Variants in GET3 observed in about 807,000 individuals in gnomAD.
GET3 encodes the protein guided entry of tail-anchored proteins factor 3, ATPase.
GET3 carries 15 observed loss-of-function variants against 32.4 expected under a neutral mutation model. The observed-to-expected ratio is 0.46, with a 90% CI of 0.31 to 0.71. The LOEUF is 0.71. Among genes scored for constraint, GET3 ranks in the 30% least tolerant of loss-of-function variants. The pLI is 0.05. For synonymous variants in GET3, 198 were observed against 185.6 expected (o/e 1.07, Z -0.54); for missense variants, 333 against 459.0 (o/e 0.73, Z 2.51).
intron 2 of GET3, among the ~76,000 whole-genome samples, chr19:12,741,428 C>T (rs1029431365): frequency 4.1e-5 from 6 of 146,150 alleles, no homozygotes; most frequent in East Asian, 2.0e-4. Flanking sequence ...TGCACTCCAG[C>T]GTGGGTGACA....
chr19:12,747,657 T>G lies in GET3; in HGVS notation c.915+65T>G. 3.9e-6 allele frequency: 6 copies of G among 1,547,888 alleles called. No individual in the cohort carries two copies. In the South Asian group the frequency reaches 7.0e-5, roughly 18 times the overall value. ...TCTGCCCCTTTATTCTCTGATCTTT[T>G]GCTCCACCATCTGGCCCTCTGCCCT... On this transcript the variant is annotated intron_variant, in intron 6 of 6. Transcript: ENST00000357332. The surrounding 1 kb of genome is among the most constrained non-coding windows in gnomAD (Gnocchi z 4.0).
At position 12,739,685 on chromosome 19, in the gene GET3, G is replaced by C. The variant is rs555494594; in HGVS notation, c.309+1027G>C. Among the ~76,000 whole-genome samples the C allele has an allele frequency of 2.6e-5, 4 of 152,242 alleles. No individual in the cohort carries two copies. In the East Asian group the frequency reaches 5.8e-4, roughly 22 times the overall value. On this transcript the variant is annotated intron_variant, in intron 2 of 6. Transcript: ENST00000357332. ...AACATCATGACAGTAGCTTGTTTATGTGAGTCTGGAGCCCAGAGGAGGTTG... is the reference window on the plus strand; with the variant it reads ...AACATCATGACAGTAGCTTGTTTATCTGAGTCTGGAGCCCAGAGGAGGTTG...
In GET3 at chr19:12,745,724, C is replaced by A; in HGVS notation, c.574C>A (p.Gln192Lys). 2 of 1,612,054 alleles carry A rather than the reference C, an allele frequency of 1.2e-6. No homozygotes were observed. Among genetic ancestry groups the A allele is most frequent in the Non-Finnish European group, 1.7e-6 (2 of 1,179,634 alleles). Residue 192 changes from glutamine (Q) to lysine (K), a missense_variant, in exon 4 of 7, where the codon CAG (glutamine) becomes AAG (lysine). By Grantham distance (53) the Gln-to-Lys change is moderately conservative. Around this residue, in one of 3 missense-constraint regions of GET3, gnomAD observed 230 missense variants for 389.2 expected, o/e 0.59. Transcript: ENST00000357332. The surrounding 1 kb of genome is among the most constrained non-coding windows in gnomAD (Gnocchi z 5.0). Reference sequence around the variant, plus strand: ...GGAGCGGGGCCTGGGCCGGCTTATGCAGATCAAGAACCAGATCAGCCCTTT... The same window carrying A: ...GGAGCGGGGCCTGGGCCGGCTTATGAAGATCAAGAACCAGATCAGCCCTTT... ...IVERGLGRLM[Q>K]IKNQISPFIS...
At chr19:12,737,797 G>T in intron 1 of GET3, 131 bp downstream of exon 1, 1 of 1,239,356 alleles carries the variant, frequency 8.1e-7, no homozygotes. Flanking sequence ...TCACTCTCTG[G>T]AAGTTACCTG....
chr19:12,737,612 G>T lies in GET3; in HGVS notation c.107G>T (p.Ser36Ile). The T allele has an allele frequency of 6.2e-7, 1 of 1,611,810 alleles. No homozygotes were observed. The highest frequency in any genetic ancestry group is 8.5e-7 in the Non-Finnish European group (1 of 1,179,236). ...PTLSNIIEQR[S>I]LKWIFVGGKG... The stretch of plus-strand genomic sequence containing the variant: ...CTTAGCAACATCATCGAGCAGCGCA[G>T]CCTGAAGTGGATCTTCGTCGGGGGC... The change falls in exon 1 of 7, where the codon AGC (serine) becomes ATC (isoleucine). Residue 36 changes from serine to isoleucine, a missense_variant. Physicochemically the swap from Ser to Ile is moderately radical, Grantham distance 142. Around this residue, in one of 3 missense-constraint regions of GET3, gnomAD observed 230 missense variants for 389.2 expected, o/e 0.59. Transcript: ENST00000357332.
chr19:12,747,508 C>T lies in GET3; in HGVS notation c.831C>T (p.Val277=). ...KCKIDTHNII[V]NQLVFPDPEK... ...AGATTGACACACACAATATAATTGT[C>T]AACCAGCTCGTCTTCCCCGACCCCG... Residue 277 remains valine (V), a synonymous_variant, in exon 6 of 7, where the codon GTC becomes GTT. Transcript: ENST00000357332. The surrounding 1 kb of genome is among the most constrained non-coding windows in gnomAD (Gnocchi z 4.0). 1 of 1,614,058 alleles carries T rather than the reference C, an allele frequency of 6.2e-7. No individual in the cohort carries two copies. The highest frequency in any genetic ancestry group is 8.5e-7 in the Non-Finnish European group (1 of 1,180,004).
At chr19:12,738,425 T>G in intron 1 of GET3, 86 bp from the exon 2 acceptor site, 6 of 1,548,178 alleles carry the variant, frequency 3.9e-6, no homozygotes, top group Non-Finnish European at 5.3e-6. Flanking sequence ...GGTCACCTGC[T>G]CCAGGGAACC....
chr19:12,737,574 G>A lies in GET3; in HGVS notation c.69G>A (p.Pro23=). Residue 23 remains proline (P), a synonymous_variant, in exon 1 of 7, where the codon CCG becomes CCA. Transcript: ENST00000357332. ...EEFEDAPDVE[P]LEPTLSNIIE... ...TCGAAGATGCTCCTGATGTGGAGCC[G>A]CTGGAGCCTACACTTAGCAACATCA... The A allele has an allele frequency of 1.2e-6, 2 of 1,610,774 alleles. No individual in the cohort carries two copies. Among genetic ancestry groups the A allele is most frequent in the East Asian group, 2.2e-5 (1 of 44,534 alleles).
upstream of GET3, chr19:12,737,344 T>G: frequency 9.3e-7 from 1 of 1,080,716 alleles, no homozygotes; most frequent in African/African-American, 1.6e-5. Context: ...AAGTGAACCC[T>G]GGAAGCAAAG....
At position 12,741,270 on chromosome 19, in the gene GET3, C is replaced by G. The variant is rs140098745; in HGVS notation, c.309+2612C>G. On this transcript the variant is annotated intron_variant, in intron 2 of 6. Transcript: ENST00000357332. ...AGGAGATTGAGACCAGCCTGGCTAA[C>G]AGGGTGAAACCCCATCTCTACTAAA... is the stretch of plus-strand genomic sequence containing the variant. Among the ~76,000 whole-genome samples the G allele has an allele frequency of 2.3e-3, 340 of 149,592 alleles. 1 individual carries two copies. The highest frequency in any genetic ancestry group is 8.2e-3 in the African/African-American group (331 of 40,490).
chr19:12,741,913 C>T (rs146437630), intron 2 of GET3, among the ~76,000 whole-genome samples: 436 of 152,200 alleles, frequency 2.9e-3, no homozygotes, highest in Non-Finnish European at 4.5e-3. Context: ...AGCGAGACTC[C>T]GTCTCCAAAA....
At chr19:12,743,961 C>T (rs1171414435) in intron 2 of GET3, among the ~76,000 whole-genome samples, 3 of 147,124 alleles carry the variant, frequency 2.0e-5, no homozygotes, top group African/African-American at 7.5e-5. Flanking sequence ...GATCTCCTAA[C>T]CTCAGGTGAT....
chr19:12,743,930 C>T (rs1336920115), intron 2 of GET3, among the ~76,000 whole-genome samples: 3 of 144,498 alleles, frequency 2.1e-5, no homozygotes, highest in East Asian at 2.2e-4. Flanking sequence ...GGGGTTTCAC[C>T]GTGTTAGCCA....
intron 4 of GET3, among the ~76,000 whole-genome samples, chr19:12,746,533 T>G (rs1246706832): frequency 6.6e-6 from 1 of 152,250 alleles, no homozygotes; most frequent in African/African-American, 2.4e-5. Context: ...GGTGTGTGCG[T>G]GTCCCCTGTG....
chr19:12,745,267 C>A lies in GET3; in HGVS notation c.310-110C>A. ...GCCTGTGGTCACAGCCCACCACAGG[C>A]TCCCTCTGGCCCTGTGCCCGGGTAG... is the stretch of plus-strand genomic sequence containing the variant. On this transcript the variant is annotated intron_variant, in intron 2 of 6. Coordinates refer to ENST00000357332, the MANE Select transcript of GET3 (RefSeq NM_004317.4). The surrounding 1 kb of genome is among the most constrained non-coding windows in gnomAD (Gnocchi z 5.0). The A allele has an allele frequency of 7.6e-7, 1 of 1,318,204 alleles. No individual in the cohort carries two copies. The highest frequency in any genetic ancestry group is 1.0e-6 in the Non-Finnish European group (1 of 959,000). The allele number at this position is 1,318,204 out of a possible 1,614,324, so 81.7% of individuals were successfully genotyped here. A position where few individuals can be genotyped will look rare whatever the true frequency, so the allele number is the denominator to read the frequency against.
chr19:12,739,391 C>G (rs1383022915), intron 2 of GET3, among the ~76,000 whole-genome samples: 8 of 152,122 alleles, frequency 5.3e-5, no homozygotes, highest in African/African-American at 1.9e-4. Flanking sequence ...GTCTCAAACT[C>G]CTGACCTCAA....
At chr19:12,744,022 C>T (rs552373774) in intron 2 of GET3, among the ~76,000 whole-genome samples, 119 of 142,058 alleles carry the variant, frequency 8.4e-4, no homozygotes, top group African/African-American at 3.0e-3. Flanking sequence ...TGAGCCACCA[C>T]GCCCGGCCAA....
chr19:12,747,948 C>T lies in GET3; in HGVS notation c.916-25C>T, dbSNP rs767594708. ...TGCCTTCCTGCCCCCTGACCACTGC[C>T]TTCTACCCTCTGCCCTGGCTGCAGA... On this transcript the variant is annotated intron_variant, in intron 6 of 6. Transcript: ENST00000357332. This position sits in a 1 kb window ranked among gnomAD's most constrained non-coding sequence, Gnocchi z 4.0. The T allele has an allele frequency of 1.3e-6, 2 of 1,575,854 alleles. No individual in the cohort carries two copies. Among genetic ancestry groups the T allele is most frequent in the Non-Finnish European group, 8.6e-7 (1 of 1,156,370 alleles).
chr19:12,741,984 T>G (rs1967678605), intron 2 of GET3, among the ~76,000 whole-genome samples: 1 of 152,126 alleles, frequency 6.6e-6, no homozygotes, highest in Non-Finnish European at 1.5e-5. Context: ...GCAGTGATAC[T>G]AAAGAGCTAG....
Sources: gnomAD v4.1 joint callset for allele counts (sites outside exome capture counted in the v4.1 genomes callset) on GRCh38, gnomAD v4.1.1 for gene constraint, gnomAD v4.1.1 regional missense constraint, Gnocchi (gnomAD v3.1) non-coding constraint, MANE v1.5 for transcripts, NCBI Gene and HGNC (gene_info 2026-07-23, HGNC 2026-07-21) for gene names.